Variants in SLC22A15 observed in about 807,000 individuals in gnomAD.
SLC22A15 encodes the protein solute carrier family 22 member 15, also known as flipt 1.
In SLC22A15, 45 loss-of-function variants were observed where a neutral mutation model predicts 62.7. The ratio of observed to expected loss-of-function variants is 0.72; its 90% CI spans 0.56 to 0.92. The LOEUF (loss-of-function observed/expected upper bound fraction) is 0.92, where lower values mean the gene tolerates loss of function less well. SLC22A15 is among the 40% of genes least tolerant of loss of function. The pLI, the probability that SLC22A15 is intolerant of heterozygous loss-of-function variation, is 0.00. For missense variants in SLC22A15, 622 were observed against 665.6 expected (o/e 0.93, Z 0.72); for synonymous variants, 264 against 267.0 (o/e 0.99, Z 0.11).
At chr1:116,005,497 A>G (rs1240540578) in intron 2 of SLC22A15, among the ~76,000 whole-genome samples, 1 of 152,132 alleles carries the variant, frequency 6.6e-6, no homozygotes, top group Non-Finnish European at 1.5e-5. Flanking sequence ...ATTCTGCCAC[A>G]TATACAGTAT....
chr1:116,064,648 A>G, intron 10 of SLC22A15, 140 bp downstream of exon 10: 1 of 655,260 alleles, frequency 1.5e-6, no homozygotes, highest in South Asian at 1.9e-5. Flanking sequence ...TTTAGATAGT[A>G]TTCCGTCAGG....
intron 2 of SLC22A15, among the ~76,000 whole-genome samples, chr1:116,014,460 A>G (rs1052228151): frequency 6.6e-6 from 1 of 152,250 alleles, no homozygotes; most frequent in African/African-American, 2.4e-5. Context: ...GAACAAAAAT[A>G]CAGATGCTGG....
intron 2 of SLC22A15, among the ~76,000 whole-genome samples, chr1:115,992,465 T>C (rs779636150): frequency 5.3e-5 from 8 of 152,170 alleles, no homozygotes; most frequent in Non-Finnish European, 1.2e-4. Flanking sequence ...CCAAACTAGT[T>C]AGATGAAAAG....
intron 8 of SLC22A15, among the ~76,000 whole-genome samples, chr1:116,053,950 A>C (rs993976958): frequency 7.9e-5 from 12 of 152,194 alleles, no homozygotes; most frequent in African/African-American, 2.9e-4. Flanking sequence ...CTGCAAAATC[A>C]TGCCAAAATG....
At chr1:116,027,514 TG>T (rs1657154384) in intron 5 of SLC22A15, among the ~76,000 whole-genome samples, 1 of 152,158 alleles carries the variant, frequency 6.6e-6, no homozygotes, top group South Asian at 2.1e-4. Flanking sequence ...CTCATAGCAG[TG>T]GCAGGATGAT....
chr1:115,996,288 G>A (rs956133378), intron 2 of SLC22A15, among the ~76,000 whole-genome samples: 1 of 152,238 alleles, frequency 6.6e-6, no homozygotes, highest in Non-Finnish European at 1.5e-5. Context: ...AAGTATTTTA[G>A]CTATTTCAGT....
intron 8 of SLC22A15, among the ~76,000 whole-genome samples, chr1:116,055,142 ATTGAT>A (rs1658166386): frequency 6.7e-6 from 1 of 149,752 alleles, no homozygotes; most frequent in Admixed American, 6.6e-5. Flanking sequence ...GATCAACAAA[ATTGAT>A]AGACCGCTAG....
chr1:116,051,339 C>G (rs1038818299), intron 8 of SLC22A15, among the ~76,000 whole-genome samples: 1 of 152,172 alleles, frequency 6.6e-6, no homozygotes, highest in African/African-American at 2.4e-5. Context: ...GTCACCAAAA[C>G]AGCATGATAG....
At chr1:115,989,985 A>G (rs892221432) in intron 1 of SLC22A15, among the ~76,000 whole-genome samples, 1 of 152,218 alleles carries the variant, frequency 6.6e-6, no homozygotes, top group African/African-American at 2.4e-5. Flanking sequence ...CTTTAAGGAG[A>G]GTATATTTCA....
intron 2 of SLC22A15, among the ~76,000 whole-genome samples, chr1:116,014,284 G>A (rs188136147): frequency 2.0e-5 from 3 of 152,228 alleles, no homozygotes; most frequent in Admixed American, 2.0e-4. Flanking sequence ...CATCTTTTAT[G>A]TTAGAGGCAC....
chr1:116,050,676 C>G (rs1658028590), intron 8 of SLC22A15, among the ~76,000 whole-genome samples: 1 of 152,064 alleles, frequency 6.6e-6, no homozygotes, highest in Non-Finnish European at 1.5e-5. Flanking sequence ...ACAAGAATGC[C>G]CACTCTCACC....
intron 3 of SLC22A15, 145 bp from the exon 4 acceptor site, chr1:116,020,574 CAA>C: frequency 3.1e-6 from 2 of 643,400 alleles, no homozygotes; most frequent in Non-Finnish European, 4.7e-6. Context: ...AACAAAAAAA[CAA>C]AAAAAAACAA....
In SLC22A15 at chr1:116,015,973, A is replaced by G. The variant is rs147331672; in HGVS notation, c.301-3609A>G. ...CATGAGTCAAAAATCCTACCACAGA[A>G]CTATCCATGTTTCAAAATAAATTAA... On this transcript the variant is annotated intron_variant, in intron 2 of 11. Transcript: ENST00000369503. Among the ~76,000 whole-genome samples, 114 of 152,304 alleles carry G rather than the reference A, an allele frequency of 7.5e-4. No individual in the cohort carries two copies. The Middle Eastern group carries it at 0.014, about 18-fold the overall frequency.
chr1:116,027,025 A>T lies in SLC22A15; in HGVS notation c.728+3A>T. 1 of 1,612,282 alleles carries T rather than the reference A, an allele frequency of 6.2e-7. No individual in the cohort carries two copies. The highest frequency in any genetic ancestry group is 8.5e-7 in the Non-Finnish European group (1 of 1,179,284). On this transcript the variant is annotated splice_donor_region_variant and intron_variant, in intron 5 of 11. Coordinates refer to ENST00000369503, the MANE Select transcript of SLC22A15 (RefSeq NM_018420.3). Reference sequence around the variant, plus strand: ...ACGGTGGTCTTTCTCTTATCTTTGTAAGTAGTTTTTCCTCTTAGAGTTTTA... The same window carrying T: ...ACGGTGGTCTTTCTCTTATCTTTGTTAGTAGTTTTTCCTCTTAGAGTTTTA...
intron 8 of SLC22A15, among the ~76,000 whole-genome samples, chr1:116,057,842 A>G (rs958176004): frequency 8.6e-5 from 13 of 151,998 alleles, no homozygotes; most frequent in African/African-American, 2.7e-4. Flanking sequence ...TCACTCATAG[A>G]TGGGAATTGA....
intron 2 of SLC22A15, among the ~76,000 whole-genome samples, chr1:115,999,383 A>G (rs940418696): frequency 5.3e-5 from 8 of 152,144 alleles, no homozygotes; most frequent in Admixed American, 5.2e-4. Flanking sequence ...TAGTGCTGAA[A>G]GTGATGTGCT....
Position 116,026,891 on chromosome 1 carries a change from A to C in SLC22A15, c.599-2A>C, listed in dbSNP as rs1557894363. ...GTGACAGTTCTCTTTTCCCTGAATT[A>C]GGATCGATTGGCGGCCTGTTCTTTG... is the stretch of plus-strand genomic sequence containing the variant. On this transcript the variant is annotated splice_acceptor_variant, in intron 4 of 11. Coordinates refer to ENST00000369503, the MANE Select transcript of SLC22A15 (RefSeq NM_018420.3). LOFTEE classifies it high-confidence loss of function. 6.2e-7 allele frequency: 1 copy of C among 1,612,668 alleles called. No homozygotes were observed.
chr1:115,991,375 T>G (rs1570694865), intron 1 of SLC22A15, among the ~76,000 whole-genome samples: 1 of 152,314 alleles, frequency 6.6e-6, no homozygotes, highest in South Asian at 2.1e-4. Flanking sequence ...ACAACTATGG[T>G]TAGATCAAAC....
At chr1:116,008,507 A>T (rs534564417) in intron 2 of SLC22A15, among the ~76,000 whole-genome samples, 1 of 152,322 alleles carries the variant, frequency 6.6e-6, no homozygotes, top group East Asian at 1.9e-4. Context: ...AAGAGATGAT[A>T]CTTGGCTCAA....
Sources: gnomAD v4.1 joint callset for allele counts (sites outside exome capture counted in the v4.1 genomes callset) on GRCh38, gnomAD v4.1.1 for gene constraint, MANE v1.5 for transcripts, NCBI Gene and HGNC (gene_info 2026-07-23, HGNC 2026-07-21) for gene names.